PPP1R9A: variants seen among roughly 807,000 people sequenced by gnomAD.
PPP1R9A encodes the protein protein phosphatase 1 regulatory subunit 9A.
Under a neutral mutation model 141.9 loss-of-function variants are expected in PPP1R9A, and 59 were observed. The observed-to-expected ratio is 0.42, with a 90% CI of 0.34 to 0.52. The LOEUF is 0.52. Ranked by LOEUF, PPP1R9A falls within the 20% of genes least tolerant of loss-of-function variation. The pLI is 0.10. For missense variants in PPP1R9A, 1,444 were observed against 1,611.9 expected (o/e 0.90, Z 1.78); for synonymous variants, 500 against 569.7 (o/e 0.88, Z 1.74).
At chr7:95,079,707 T>C (rs928453468) in intron 2 of PPP1R9A, among the ~76,000 whole-genome samples, 2 of 152,162 alleles carry the variant, frequency 1.3e-5, no homozygotes, top group African/African-American at 4.8e-5. Flanking sequence ...ACTGGCAAAC[T>C]GAATCCAGCA....
intron 4 of PPP1R9A, among the ~76,000 whole-genome samples, chr7:95,149,346 A>G (rs1828224040): frequency 6.6e-6 from 1 of 152,172 alleles, no homozygotes; most frequent in African/African-American, 2.4e-5. Flanking sequence ...CTAGACAATG[A>G]TATCCTTTCT....
At chr7:95,011,629 T>G (rs916614551) in intron 2 of PPP1R9A, among the ~76,000 whole-genome samples, 2 of 152,214 alleles carry the variant, frequency 1.3e-5, no homozygotes, top group Non-Finnish European at 2.9e-5. Flanking sequence ...TAAAAACTAC[T>G]CTACTGGAGA....
chr7:95,240,292 A>G (rs909437697), intron 8 of PPP1R9A, among the ~76,000 whole-genome samples: 7 of 152,074 alleles, frequency 4.6e-5, no homozygotes, highest in African/African-American at 1.4e-4. Flanking sequence ...AATCTTTAGC[A>G]CAATTTATTG....
intron 4 of PPP1R9A, among the ~76,000 whole-genome samples, chr7:95,151,511 A>G (rs969670684): frequency 1.3e-5 from 2 of 152,204 alleles, no homozygotes; most frequent in South Asian, 2.1e-4. Context: ...TTTTAGGGCA[A>G]TGAAACCATT....
At chr7:95,255,971 A>G (rs760595155) in intron 12 of PPP1R9A, among the ~76,000 whole-genome samples, 24 of 152,106 alleles carry the variant, frequency 1.6e-4, no homozygotes, top group Non-Finnish European at 1.2e-4. Context: ...GAATATTGCT[A>G]CCAAGTGCTG....
chr7:94,957,246 A>G (rs1240214591), intron 2 of PPP1R9A, among the ~76,000 whole-genome samples: 1 of 152,136 alleles, frequency 6.6e-6, no homozygotes. Context: ...GTTTAAAGCC[A>G]TGGGACAGCC....
chr7:95,143,850 T>C (rs1011592558), intron 4 of PPP1R9A, among the ~76,000 whole-genome samples: 19 of 151,710 alleles, frequency 1.3e-4, no homozygotes, highest in Non-Finnish European at 1.5e-5. Context: ...TAATTTTTAA[T>C]TTGTTTTTTT....
At chr7:95,135,454 T>G (rs1825471380) in intron 4 of PPP1R9A, among the ~76,000 whole-genome samples, 1 of 152,232 alleles carries the variant, frequency 6.6e-6, no homozygotes, top group African/African-American at 2.4e-5. Flanking sequence ...TTTCATTGCA[T>G]TTTATCAGAA....
At chr7:95,082,702 T>C (rs1052445245) in intron 2 of PPP1R9A, among the ~76,000 whole-genome samples, 2 of 150,744 alleles carry the variant, frequency 1.3e-5, no homozygotes, top group Non-Finnish European at 2.9e-5. Context: ...ATCATGCCAC[T>C]GCACCCCAGC....
At chr7:95,184,493 G>C (rs575932318) in intron 5 of PPP1R9A, among the ~76,000 whole-genome samples, 2 of 151,424 alleles carry the variant, frequency 1.3e-5, no homozygotes, top group Non-Finnish European at 2.9e-5. Context: ...CAGTAGTTTT[G>C]GGGGAACAGG....
intron 2 of PPP1R9A, among the ~76,000 whole-genome samples, chr7:95,094,346 G>A (rs544771280): frequency 2.4e-4 from 37 of 152,082 alleles, no homozygotes; most frequent in African/African-American, 3.1e-4. Context: ...TACAGAATTT[G>A]GAAAGTACAA....
chr7:94,948,884 C>A (rs1002746650), intron 2 of PPP1R9A, among the ~76,000 whole-genome samples: 2 of 152,002 alleles, frequency 1.3e-5, no homozygotes, highest in Non-Finnish European at 2.9e-5. Context: ...TATTATTATT[C>A]ATTTTGTGTC....
chr7:95,001,100 T>C (rs1802856576), intron 2 of PPP1R9A, among the ~76,000 whole-genome samples: 1 of 152,144 alleles, frequency 6.6e-6, no homozygotes, highest in South Asian at 2.1e-4. Context: ...ATTTGATGTT[T>C]TATAGTTAAG....
At chr7:95,133,731 C>T (rs1825106306) in intron 4 of PPP1R9A, among the ~76,000 whole-genome samples, 1 of 151,966 alleles carries the variant, frequency 6.6e-6, no homozygotes, top group African/African-American at 2.4e-5. Context: ...GAGTCTTGCC[C>T]TGTCACCCAG....
chr7:95,119,916 G>A (rs1269031368), intron 3 of PPP1R9A, among the ~76,000 whole-genome samples: 3 of 150,590 alleles, frequency 2.0e-5, no homozygotes, highest in African/African-American at 4.9e-5. Flanking sequence ...ATATTCTTGG[G>A]TATAGAAGCA....
chr7:94,931,841 G>A (rs146100823), intron 2 of PPP1R9A, among the ~76,000 whole-genome samples: 1,667 of 152,334 alleles, frequency 0.011, 32 homozygotes, highest in African/African-American at 0.038. Context: ...GCCTCCCAAA[G>A]TGCTGGGATT....
chr7:94,941,008 A>G (rs2150945216), intron 2 of PPP1R9A, among the ~76,000 whole-genome samples: 1 of 152,236 alleles, frequency 6.6e-6, no homozygotes, highest in Middle Eastern at 3.4e-3. Context: ...TTTGGGGAAT[A>G]CATTATGCAC....
rs576139259 is a variant in PPP1R9A at position 95,240,797 on chromosome 7, T to C, written c.2113-6676T>C. On this transcript the variant is annotated intron_variant, in intron 8 of 19. Coordinates refer to ENST00000433360, the MANE Select transcript of PPP1R9A (RefSeq NM_001166160.2). ...TTCAAAAAGTGATCTTAAAATATTT[T>C]TTTACTTATGGGATACATCATTTTC... is the stretch of plus-strand genomic sequence containing the variant. 2.0e-5 allele frequency among the ~76,000 whole-genome samples: 3 copies of C among 152,302 alleles called. No individual in the cohort carries two copies. The East Asian group carries it at 5.8e-4, about 29-fold the overall frequency.
At chr7:95,025,869 T>C (rs779210991) in intron 2 of PPP1R9A, among the ~76,000 whole-genome samples, 3 of 152,220 alleles carry the variant, frequency 2.0e-5, no homozygotes, top group Non-Finnish European at 4.4e-5. Flanking sequence ...TCAATTTGGC[T>C]ATTGATACTT....
Sources: gnomAD v4.1 joint callset for allele counts (sites outside exome capture counted in the v4.1 genomes callset) on GRCh38, gnomAD v4.1.1 for gene constraint, MANE v1.5 for transcripts, NCBI Gene and HGNC (gene_info 2026-07-23, HGNC 2026-07-21) for gene names.